The following KIAA0319 variants were observed in gnomAD, a reference collection of about 807,000 sequenced individuals.
The protein encoded by KIAA0319 is KIAA0319.
Under a neutral mutation model 108.4 loss-of-function variants are expected in KIAA0319, and 83 were observed. The ratio of observed to expected loss-of-function variants is 0.77; its 90% CI spans 0.64 to 0.92. The LOEUF is 0.92. Among genes scored for constraint, KIAA0319 ranks in the 40% least tolerant of loss-of-function variants. KIAA0319 has a pLI of 0.00. For synonymous variants in KIAA0319, 484 were observed against 510.4 expected (o/e 0.95, Z 0.70); for missense variants, 1,195 against 1,322.4 (o/e 0.90, Z 1.49).
chr6:24,555,995 A>G (rs1388143808), intron 18 of KIAA0319, among the ~76,000 whole-genome samples: 1 of 152,194 alleles, frequency 6.6e-6, no homozygotes, highest in African/African-American at 2.4e-5. Context: ...TTTTATGTAA[A>G]AGCCTAAACA....
intron 4 of KIAA0319, among the ~76,000 whole-genome samples, chr6:24,584,230 T>A (rs1043882886): frequency 3.3e-5 from 5 of 152,078 alleles, no homozygotes; most frequent in African/African-American, 1.2e-4. Context: ...CTATTTTAAC[T>A]TAAGCAGCAG....
intron 1 of KIAA0319, among the ~76,000 whole-genome samples, chr6:24,634,054 A>G (rs1219450009): frequency 6.6e-6 from 1 of 152,266 alleles, no homozygotes; most frequent in African/African-American, 2.4e-5. Context: ...AGATATTATC[A>G]AAGGCAAGAT....
At chr6:24,581,370 AC>A (rs1391658721) in intron 6 of KIAA0319, among the ~76,000 whole-genome samples, 1 of 152,182 alleles carries the variant, frequency 6.6e-6, no homozygotes, top group Non-Finnish European at 1.5e-5. Context: ...ACTTTGAGAA[AC>A]ACAGCTCCAT....
intron 1 of KIAA0319, among the ~76,000 whole-genome samples, chr6:24,627,738 A>G (rs1269051845): frequency 6.6e-6 from 1 of 152,268 alleles, no homozygotes. Context: ...CAGGACTTCC[A>G]GCAATCTTCT....
chr6:24,621,074 C>T (rs1431445419), intron 1 of KIAA0319, among the ~76,000 whole-genome samples: 1 of 152,220 alleles, frequency 6.6e-6, no homozygotes, highest in Non-Finnish European at 1.5e-5. Context: ...TGCTCATCCT[C>T]CCATCATCTC....
chr6:24,643,677 A>G (rs1383566042), intron 1 of KIAA0319, among the ~76,000 whole-genome samples: 1 of 152,252 alleles, frequency 6.6e-6, no homozygotes, highest in African/African-American at 2.4e-5. Context: ...ATTTTTTAGT[A>G]CCAAATTATT....
intron 20 of KIAA0319, among the ~76,000 whole-genome samples, chr6:24,549,909 T>G (rs1170501396): frequency 6.6e-6 from 1 of 152,024 alleles, no homozygotes; most frequent in Non-Finnish European, 1.5e-5. Context: ...GACTGAGGTT[T>G]CAAACTGGGG....
Position 24,596,514 on chromosome 6 carries a change from C to T in KIAA0319, c.160G>A (p.Val54Ile). 1 of 1,614,082 alleles carries T rather than the reference C, an allele frequency of 6.2e-7. No individual in the cohort carries two copies. Among genetic ancestry groups the T allele is most frequent in the Non-Finnish European group, 8.5e-7 (1 of 1,180,032 alleles). The change falls in exon 3 of 21, where the codon GTC (valine) becomes ATC (isoleucine). Residue 54 changes from valine to isoleucine, a missense_variant. Transcript: ENST00000378214. The stretch of plus-strand genomic sequence containing the variant: ...CAGCAAGCGGCCGTGCAGTCTACGA[C>T]AGGGAAGGTGTGAGACACCCGCATG... ...RIMRVSHTFPVVDCTAACCDL... is the reference protein window; with the variant it reads ...RIMRVSHTFPIVDCTAACCDL...
At chr6:24,568,467 T>C (rs1482125076) in intron 13 of KIAA0319, among the ~76,000 whole-genome samples, 1 of 152,204 alleles carries the variant, frequency 6.6e-6, no homozygotes, top group Non-Finnish European at 1.5e-5. Context: ...TTCTTGAATT[T>C]CCAAGGAATA....
chr6:24,599,648 C>A lies in KIAA0319; in HGVS notation c.55+1401G>T. 1.6e-6 allele frequency: 1 copy of A among 623,874 alleles called. No homozygotes were observed. Among genetic ancestry groups the A allele is most frequent in the South Asian group, 1.5e-5 (1 of 64,900 alleles). 38.6% of individuals were successfully genotyped at this position (623,874 alleles called of 1,614,324 possible). On this transcript the variant is annotated intron_variant, in intron 2 of 20. Transcript: ENST00000378214. The surrounding 1 kb of genome is among the most constrained non-coding windows in gnomAD (Gnocchi z 4.1). ...GCTCAGCCTATGGGGGCCTCAGCTA[C>A]AGCCTGGGCTCCAGCTTTGGCTCTG...
chr6:24,551,431 T>C lies in KIAA0319; in HGVS notation c.3040+3A>G, dbSNP rs1257966042. 10 of 1,597,300 alleles carry C rather than the reference T, an allele frequency of 6.3e-6. No homozygotes were observed. Among genetic ancestry groups the C allele is most frequent in the Non-Finnish European group, 8.6e-6 (10 of 1,164,484 alleles). On this transcript the variant is annotated splice_donor_region_variant and intron_variant, in intron 20 of 20. Transcript: ENST00000378214. ...CAGGCAGTCATTCTGCAGACTGTCT[T>C]ACCATATTTGGGCCTCAGTTCCATT... is the stretch of plus-strand genomic sequence containing the variant.
At chr6:24,630,340 C>A (rs575407583) in intron 1 of KIAA0319, among the ~76,000 whole-genome samples, 1 of 151,350 alleles carries the variant, frequency 6.6e-6, no homozygotes, top group South Asian at 2.1e-4. Context: ...GAAACCCTTT[C>A]TCTATTAAAA....
In KIAA0319 at chr6:24,550,579, C is replaced by A. The variant is rs187317470; in HGVS notation, c.3040+855G>T. Among the ~76,000 whole-genome samples the A allele has an allele frequency of 4.6e-5, 7 of 152,182 alleles. 1 individual carries two copies. The South Asian group carries it at 8.3e-4, about 18-fold the overall frequency. ...GATCAATACACTTTGTGAAGAAAGT[C>A]AATTTTCTGTAAAGCCTTTGTGTCC... On this transcript the variant is annotated intron_variant, in intron 20 of 20. Transcript: ENST00000378214.
chr6:24,553,492 C>T (rs1761878058), intron 19 of KIAA0319, among the ~76,000 whole-genome samples: 1 of 151,824 alleles, frequency 6.6e-6, no homozygotes, highest in East Asian at 1.9e-4. Context: ...CTTTCACCTG[C>T]TTTTTATTCT....
chr6:24,566,636 G>C lies in KIAA0319; in HGVS notation c.2253C>G (p.Ser751=). 6.2e-7 allele frequency: 1 copy of C among 1,612,762 alleles called. No homozygotes were observed. The highest frequency in any genetic ancestry group is 8.5e-7 in the Non-Finnish European group (1 of 1,179,476). ...TCTGGCCATCCCGGATCCACAGATAGGACACAATTCTTTGGTCATCAGTAG... is the reference window on the plus strand; with the variant it reads ...TCTGGCCATCCCGGATCCACAGATACGACACAATTCTTTGGTCATCAGTAG... The part of the protein sequence containing the change: ...SRSTDDQRIV[S]YLWIRDGQSP... The change falls in exon 14 of 21, where the codon TCC becomes TCG. Residue 751 remains serine (S), a synonymous_variant. Coordinates refer to ENST00000378214, the MANE Select transcript of KIAA0319 (RefSeq NM_014809.4).
intron 1 of KIAA0319, among the ~76,000 whole-genome samples, chr6:24,628,705 A>G (rs1425306427): frequency 6.6e-6 from 1 of 152,178 alleles, no homozygotes; most frequent in Non-Finnish European, 1.5e-5. Context: ...TCCCTCTGAG[A>G]GTCTGATCAG....
intron 18 of KIAA0319, among the ~76,000 whole-genome samples, 196 bp from the exon 19 acceptor site, chr6:24,554,827 G>GT (rs58506745): frequency 0.027 from 4,151 of 152,268 alleles, 70 homozygotes; most frequent in South Asian, 0.06. Flanking sequence ...AAACTGCCCT[G>GT]TTTTTATCTA....
chr6:24,553,613 T>A (rs2127420559), intron 19 of KIAA0319, among the ~76,000 whole-genome samples: 1 of 152,122 alleles, frequency 6.6e-6, no homozygotes, highest in Non-Finnish European at 1.5e-5. Flanking sequence ...TCAGAAAGAG[T>A]TCTGCCTCCT....
intron 4 of KIAA0319, among the ~76,000 whole-genome samples, chr6:24,588,123 G>C (rs944340619): frequency 2.0e-5 from 3 of 152,232 alleles, no homozygotes; most frequent in African/African-American, 7.2e-5. Context: ...AATGAGAGAT[G>C]ATGGATGGGA....
Sources: allele counts gnomAD v4.1 joint callset (sites outside exome capture counted in the v4.1 genomes callset), GRCh38; gene constraint gnomAD v4.1.1; non-coding constraint Gnocchi (gnomAD v3.1); transcripts MANE v1.5; gene names NCBI Gene and HGNC (gene_info 2026-07-23, HGNC 2026-07-21).